The following DGKB variants were observed in gnomAD, a reference collection of about 807,000 sequenced individuals.
The protein encoded by DGKB is diacylglycerol kinase beta, also known as 90 kDa diacylglycerol kinase.
DGKB carries 67 observed loss-of-function variants against 114.3 expected under a neutral mutation model. That is an observed-to-expected ratio of 0.59 (90% CI 0.48 to 0.72). The LOEUF is 0.72. Ranked by LOEUF, DGKB falls within the 30% of genes least tolerant of loss-of-function variation. The pLI is 0.00. For synonymous variants in DGKB, 398 were observed against 323.1 expected (o/e 1.23, Z -2.49); for missense variants, 907 against 975.2 (o/e 0.93, Z 0.93).
intron 21 of DGKB, among the ~76,000 whole-genome samples, chr7:14,412,054 A>G (rs1824972332): frequency 6.6e-6 from 1 of 152,210 alleles, no homozygotes; most frequent in African/African-American, 2.4e-5. Context: ...GCCCTTATAA[A>G]GGGCAGGTAT....
rs188913657 is a variant in DGKB at position 14,349,389 on chromosome 7, T to C, written c.1836-3998A>G. Among the ~76,000 whole-genome samples the C allele has an allele frequency of 8.5e-4, 130 of 152,244 alleles. 1 individual carries two copies. The highest frequency in any genetic ancestry group is 3.1e-3 in the African/African-American group (127 of 41,568). On this transcript the variant is annotated intron_variant, in intron 21 of 25. Transcript: ENST00000402815. ...ATAGTTTGAAAATTTAAAAAATATA[T>C]ATACGAGGTTTTGGCTTGTATAGAA...
chr7:14,210,095 T>C lies in DGKB; in HGVS notation c.2123-31944A>G, dbSNP rs117439919. ...GTTGGGGGGATTGAACTGGCATGGC[T>C]AACACCTCCAGTGCCAGGTGCAAAG... On this transcript the variant is annotated intron_variant, in intron 23 of 25. Coordinates refer to ENST00000402815, the MANE Select transcript of DGKB (RefSeq NM_001350709.2). Among the ~76,000 whole-genome samples, 948 of 152,216 alleles carry C rather than the reference T, an allele frequency of 6.2e-3. 4 individuals are homozygous for C. The highest frequency in any genetic ancestry group is 0.01 in the Non-Finnish European group (693 of 67,986).
intron 17 of DGKB, among the ~76,000 whole-genome samples, chr7:14,602,522 C>T (rs956150889): frequency 2.6e-5 from 4 of 152,114 alleles, no homozygotes; most frequent in Non-Finnish European, 4.4e-5. Flanking sequence ...TCTACGCTTA[C>T]GAATGGGATT....
chr7:14,516,680 T>A (rs963941471), intron 20 of DGKB, among the ~76,000 whole-genome samples: 13 of 152,174 alleles, frequency 8.5e-5, no homozygotes, highest in African/African-American at 3.1e-4. Flanking sequence ...AGCTTGAACG[T>A]TGTTGGTGTA....
chr7:14,538,075 ATC>A (rs1344543057), intron 20 of DGKB, among the ~76,000 whole-genome samples: 2 of 116,170 alleles, frequency 1.7e-5, no homozygotes, highest in African/African-American at 6.7e-5. Flanking sequence ...ACAAGAGCAA[ATC>A]TCTGTCTCAA....
chr7:14,551,963 C>T (rs533226186), intron 20 of DGKB, among the ~76,000 whole-genome samples: 43 of 151,770 alleles, frequency 2.8e-4, no homozygotes, highest in African/African-American at 1.0e-3. Context: ...TTTATTAAGC[C>T]CTAATGTTCT....
rs190733199 is a variant in DGKB at position 14,330,932 on chromosome 7, T to C, written c.2122+7583A>G. ...TGAAAATTTTTTTATTTTTACATTT[T>C]AGAAATATGCCTTATATTCTCTAAC... is the stretch of plus-strand genomic sequence containing the variant. On this transcript the variant is annotated intron_variant, in intron 23 of 25. Coordinates refer to ENST00000402815, the MANE Select transcript of DGKB (RefSeq NM_001350709.2). Among the ~76,000 whole-genome samples, 27 of 152,146 alleles carry C rather than the reference T, an allele frequency of 1.8e-4. 1 individual carries two copies. The highest frequency in any genetic ancestry group is 1.8e-3 in the Admixed American group (27 of 15,270).
intron 20 of DGKB, among the ~76,000 whole-genome samples, chr7:14,515,158 G>C (rs1788586994): frequency 1.3e-5 from 2 of 152,172 alleles, no homozygotes; most frequent in African/African-American, 4.8e-5. Flanking sequence ...TAGAGGGTTA[G>C]AAAGAGTTGA....
At chr7:14,241,124 C>T (rs949006028) in intron 23 of DGKB, among the ~76,000 whole-genome samples, 3 of 152,088 alleles carry the variant, frequency 2.0e-5, no homozygotes, top group Admixed American at 6.6e-5. Flanking sequence ...TATAAATGTA[C>T]GGCGCTTTCA....
intron 10 of DGKB, among the ~76,000 whole-genome samples, 158 bp downstream of exon 10, chr7:14,685,087 C>T (rs756600985): frequency 6.6e-6 from 1 of 152,134 alleles, no homozygotes; most frequent in East Asian, 1.9e-4. Flanking sequence ...ATTAGAGTAA[C>T]CTAAATATTC....
intron 20 of DGKB, among the ~76,000 whole-genome samples, chr7:14,498,209 T>C (rs889517935): frequency 6.6e-6 from 1 of 151,882 alleles, no homozygotes; most frequent in African/African-American, 2.4e-5. Context: ...TTTGCCACCT[T>C]ACACATTCTC....
intron 25 of DGKB, among the ~76,000 whole-genome samples, chr7:14,170,668 T>G (rs928086604): frequency 3.3e-5 from 5 of 152,190 alleles, no homozygotes; most frequent in Non-Finnish European, 7.3e-5. Context: ...ACTAACACTT[T>G]AATGTTATGA....
At chr7:14,234,679 C>T (rs1416159141) in intron 23 of DGKB, among the ~76,000 whole-genome samples, 1 of 151,856 alleles carries the variant, frequency 6.6e-6, no homozygotes, top group Non-Finnish European at 1.5e-5. Context: ...ACCTTTATGC[C>T]CTCAGAAAGT....
At chr7:14,825,557 C>T (rs1845588170) in intron 2 of DGKB, among the ~76,000 whole-genome samples, 1 of 152,066 alleles carries the variant, frequency 6.6e-6, no homozygotes, top group Non-Finnish European at 1.5e-5. Flanking sequence ...TAATACCACC[C>T]TACTCTGACA....
At chr7:14,810,079 T>C (rs921876619) in intron 2 of DGKB, among the ~76,000 whole-genome samples, 2 of 152,166 alleles carry the variant, frequency 1.3e-5, no homozygotes, top group African/African-American at 4.8e-5. Flanking sequence ...TTTATCTAAG[T>C]TTTTCCTGGA....
chr7:14,640,345 C>A (rs1046605598), intron 13 of DGKB, among the ~76,000 whole-genome samples: 3 of 151,894 alleles, frequency 2.0e-5, no homozygotes, highest in African/African-American at 7.3e-5. Context: ...TTGGGTGGCT[C>A]AAGGATGTTG....
chr7:14,770,236 G>A (rs886770608), intron 2 of DGKB, among the ~76,000 whole-genome samples: 3 of 152,082 alleles, frequency 2.0e-5, no homozygotes, highest in African/African-American at 7.2e-5. Context: ...AGTAGGCAAG[G>A]AGCGCCTTCA....
At chr7:14,738,117 C>G (rs1395799527) in intron 4 of DGKB, among the ~76,000 whole-genome samples, 1 of 152,208 alleles carries the variant, frequency 6.6e-6, no homozygotes, top group Non-Finnish European at 1.5e-5. Context: ...AACACCTACT[C>G]TTACTAAGAG....
At chr7:14,847,133 A>T (rs1848730923) in intron 1 of DGKB, among the ~76,000 whole-genome samples, 1 of 152,110 alleles carries the variant, frequency 6.6e-6, no homozygotes, top group Admixed American at 6.5e-5. Flanking sequence ...TACTAAAAAT[A>T]CAAAAAAATT....
Sources: allele counts gnomAD v4.1 joint callset (sites outside exome capture counted in the v4.1 genomes callset), GRCh38; gene constraint gnomAD v4.1.1; transcripts MANE v1.5; gene names NCBI Gene and HGNC (gene_info 2026-07-23, HGNC 2026-07-21).